Variants in POR observed in about 807,000 individuals in gnomAD.
POR encodes the protein cytochrome p450 oxidoreductase.
Under a neutral mutation model 84.0 loss-of-function variants are expected in POR, and 56 were observed. That is an observed-to-expected ratio of 0.67 (90% confidence interval 0.54 to 0.83). The LOEUF is 0.83. Ranked by LOEUF, POR falls within the 40% of genes least tolerant of loss-of-function variation. The probability of loss-of-function intolerance (pLI) is 0.00; values close to 1 mark genes in which losing one functional copy is unlikely to be tolerated. For synonymous variants in POR, 414 were observed against 400.5 expected (o/e 1.03, Z -0.40); for missense variants, 938 against 944.3 (o/e 0.99, Z 0.09).
At chr7:75,931,411 G>C (rs945013587) in intron 1 of POR, among the ~76,000 whole-genome samples, 1 of 151,480 alleles carries the variant, frequency 6.6e-6, no homozygotes, top group African/African-American at 2.4e-5. Flanking sequence ...CTCTCACGCA[G>C]GCTATAATGC....
Position 75,980,496 on chromosome 7 carries a change from A to AC in POR, c.516+11dup, listed in dbSNP as rs782085563. ...TCTGGGGTCAAGTTCGCGGTGAGTCACCCAGAGACTGCTATGGGCTCCCGG... is the reference window on the plus strand; with the variant it reads ...TCTGGGGTCAAGTTCGCGGTGAGTCACCCCAGAGACTGCTATGGGCTCCCGG... On this transcript the variant is annotated intron_variant, in intron 5 of 15. Transcript: ENST00000461988. 1 of 1,612,630 alleles carries AC rather than the reference A, an allele frequency of 6.2e-7. No individual in the cohort carries two copies. The highest frequency in any genetic ancestry group is 8.5e-7 in the Non-Finnish European group (1 of 1,179,770).
At chr7:75,968,383 C>A in intron 2 of POR, 1 of 415,000 alleles carries the variant, frequency 2.4e-6, no homozygotes. Context: ...CATTTCCCTG[C>A]TTCCAAAGGA....
At chr7:75,948,100 T>A (rs1039890137) in intron 1 of POR, among the ~76,000 whole-genome samples, 35 of 152,086 alleles carry the variant, frequency 2.3e-4, no homozygotes, top group Non-Finnish European at 5.9e-5. Context: ...GAGAGACCCA[T>A]GTCCTAAGTA....
intron 1 of POR, among the ~76,000 whole-genome samples, chr7:75,945,718 G>A (rs1219341823): frequency 6.6e-6 from 1 of 152,124 alleles, no homozygotes; most frequent in African/African-American, 2.4e-5. Flanking sequence ...TGTCTAGGTG[G>A]CCCTGACATG....
At chr7:75,929,891 G>A (rs1807325190) in intron 1 of POR, among the ~76,000 whole-genome samples, 1 of 152,138 alleles carries the variant, frequency 6.6e-6, no homozygotes. Flanking sequence ...TGAATGTGGG[G>A]TGACAGTAGC....
At chr7:75,953,761 C>G (rs1787555103) in intron 1 of POR, among the ~76,000 whole-genome samples, 1 of 152,218 alleles carries the variant, frequency 6.6e-6, no homozygotes, top group Non-Finnish European at 1.5e-5. Flanking sequence ...CAGGACCACC[C>G]TGGGCTGGTG....
chr7:75,931,715 G>C (rs1338827079), intron 1 of POR, among the ~76,000 whole-genome samples: 1 of 151,898 alleles, frequency 6.6e-6, no homozygotes, highest in Non-Finnish European at 1.5e-5. Context: ...TCTGGCCTTG[G>C]TGTGTGCTCT....
intron 2 of POR, among the ~76,000 whole-genome samples, chr7:75,963,520 C>T (rs188501133): frequency 1.1e-3 from 173 of 152,318 alleles, no homozygotes; most frequent in African/African-American, 3.8e-3. Context: ...CGGGTACTGC[C>T]GTGCAGAGCG....
At position 75,935,571 on chromosome 7, in the gene POR, G is replaced by A. The variant is rs537702442; in HGVS notation, c.-4-18418G>A. Among the ~76,000 whole-genome samples the A allele has an allele frequency of 3.1e-4, 47 of 151,490 alleles. 1 individual carries two copies. Among genetic ancestry groups the A allele is most frequent in the Non-Finnish European group, 5.9e-4 (40 of 67,916 alleles). ...GGAGGGACCGGTTTTTTAATTGAGAGGGTTGGTACTTCTCCCTTCCTGCCT... is the reference window on the plus strand; with the variant it reads ...GGAGGGACCGGTTTTTTAATTGAGAAGGTTGGTACTTCTCCCTTCCTGCCT... On this transcript the variant is annotated intron_variant, in intron 1 of 15. Transcript: ENST00000461988.
chr7:75,941,430 GAAGAA>G (rs1807975001), intron 1 of POR, among the ~76,000 whole-genome samples: 1 of 152,120 alleles, frequency 6.6e-6, no homozygotes, highest in African/African-American at 2.4e-5. Context: ...GCTTTGTGGA[GAAGAA>G]ACCTGAGTCC....
chr7:75,984,664 C>T (rs1016791854), intron 10 of POR, 113 bp from the exon 11 acceptor site: 152 of 930,538 alleles, frequency 1.6e-4, no homozygotes, highest in Admixed American at 2.6e-4. Flanking sequence ...CCAGCACCAG[C>T]TGGGGCACCT....
intron 10 of POR, 148 bp from the exon 11 acceptor site, chr7:75,984,629 G>C: frequency 1.4e-6 from 1 of 696,884 alleles, no homozygotes; most frequent in South Asian, 1.7e-5. Flanking sequence ...GGCCAGGGAG[G>C]CATCAGAGAG....
intron 10 of POR, 119 bp downstream of exon 10, chr7:75,983,975 G>GAC: frequency 1.4e-6 from 1 of 725,546 alleles, no homozygotes; most frequent in Non-Finnish European, 2.2e-6. Flanking sequence ...GGAGGCCCTT[G>GAC]CACCGAGACT....
At chr7:75,919,378 C>T (rs868992048) in intron 1 of POR, among the ~76,000 whole-genome samples, 7 of 136,258 alleles carry the variant, frequency 5.1e-5, no homozygotes, top group South Asian at 4.6e-4. Context: ...TGCATCTGTG[C>T]GTGCGTGTGT....
chr7:75,935,311 A>G (rs1203436267), intron 1 of POR, among the ~76,000 whole-genome samples: 3 of 152,056 alleles, frequency 2.0e-5, no homozygotes, highest in Non-Finnish European at 2.9e-5. Context: ...CATTGGCGCT[A>G]TCTCAGTTCA....
At chr7:75,922,111 G>A (rs568500459) in intron 1 of POR, among the ~76,000 whole-genome samples, 4 of 152,238 alleles carry the variant, frequency 2.6e-5, no homozygotes, top group South Asian at 2.1e-4. Flanking sequence ...GTGGCAATAC[G>A]GTTGGACTAG....
chr7:75,941,191 G>A (rs1434338858), intron 1 of POR, among the ~76,000 whole-genome samples: 1 of 152,088 alleles, frequency 6.6e-6, no homozygotes, highest in East Asian at 1.9e-4. Context: ...CCAAAAAGAT[G>A]CAGGAACCTG....
At chr7:75,941,888 G>A (rs1554551557) in intron 1 of POR, among the ~76,000 whole-genome samples, 1 of 151,942 alleles carries the variant, frequency 6.6e-6, no homozygotes, top group Non-Finnish European at 1.5e-5. Context: ...TTTAATACAG[G>A]TTTGTTAATA....
intron 1 of POR, among the ~76,000 whole-genome samples, chr7:75,944,678 GAC>G (rs1554551922): frequency 6.6e-6 from 1 of 152,166 alleles, no homozygotes; most frequent in African/African-American, 2.4e-5. Flanking sequence ...GCATCAGGAT[GAC>G]ACAGATGTTG....
Sources: allele counts gnomAD v4.1 joint callset (sites outside exome capture counted in the v4.1 genomes callset), GRCh38; gene constraint gnomAD v4.1.1; transcripts MANE v1.5; gene names NCBI Gene and HGNC (gene_info 2026-07-23, HGNC 2026-07-21).